The following TAS1R1 variants were observed in gnomAD, a reference collection of about 807,000 sequenced individuals.
TAS1R1 encodes taste receptor type 1 member 1.
TAS1R1 carries 31 observed loss-of-function variants against 45.8 expected under a neutral mutation model. That is an observed-to-expected ratio of 0.68 (90% CI 0.51 to 0.91). The LOEUF (loss-of-function observed/expected upper bound fraction) is 0.91, where lower values mean the gene tolerates loss of function less well. Among genes scored for constraint, TAS1R1 ranks in the 40% least tolerant of loss-of-function variants. The pLI is 0.00. For synonymous variants in TAS1R1, 437 were observed against 448.4 expected, an observed-to-expected ratio of 0.97 and a Z score of 0.32; for missense variants, 1,051 against 1,063.9, an observed-to-expected ratio of 0.99 and a Z score of 0.17.
In TAS1R1 at chr1:6,579,003, C is replaced by G; in HGVS notation, c.1945C>G (p.Leu649Val). Residue 649 changes from leucine (L) to valine (V), a missense_variant, in exon 6 of 6, where the codon CTG (leucine) becomes GTG (valine). Physicochemically the swap from Leu to Val is conservative, Grantham distance 32. Coordinates refer to ENST00000333172, the MANE Select transcript of TAS1R1 (RefSeq NM_138697.4). ...TGGTTTCACCATCTTCCTGTCCTGC[C>G]TGACAGTTCGCTCATTCCAACTAAT... ...ALGFTIFLSC[L>V]TVRSFQLIII... is the part of the protein sequence containing the mutation. 3.7e-6 allele frequency: 6 copies of G among 1,614,038 alleles called. No homozygotes were observed. Among genetic ancestry groups the G allele is most frequent in the Non-Finnish European group, 5.1e-6 (6 of 1,179,894 alleles).
At chr1:6,565,057 G>A (rs1300606679) in intron 1 of TAS1R1, among the ~76,000 whole-genome samples, 1 of 152,122 alleles carries the variant, frequency 6.6e-6, no homozygotes, top group Non-Finnish European at 1.5e-5. Flanking sequence ...CGATATGGAA[G>A]GATTAGTGAG....
chr1:6,560,052 T>C lies in TAS1R1; in HGVS notation c.191+4488T>C, dbSNP rs1182424233. 4.0e-5 allele frequency among the ~76,000 whole-genome samples: 6 copies of C among 149,438 alleles called. No individual in the cohort carries two copies. In the East Asian group the frequency reaches 1.2e-3, roughly 29 times the overall value. ...TAATGGCTCACTGTAATCCCAGCAC[T>C]TTGGGAGGCCAAGGCGGGCAGATCA... On this transcript the variant is annotated intron_variant, in intron 1 of 5. Transcript: ENST00000333172.
chr1:6,575,113 G>A lies in TAS1R1; in HGVS notation c.981G>A (p.Gln327=), dbSNP rs746039146. The change falls in exon 3 of 6, where the codon CAG becomes CAA. Residue 327 remains glutamine, a synonymous_variant. Coordinates refer to ENST00000333172, the MANE Select transcript of TAS1R1 (RefSeq NM_138697.4). ...GGATGGTGCTGGGCGTGGCCATCCA[G>A]AAGAGGGCTGTCCCTGGCCTGAAGG... ...RIGMVLGVAI[Q]KRAVPGLKAF... is the part of the protein sequence containing the mutation. 1 of 1,585,670 alleles carries A rather than the reference G, an allele frequency of 6.3e-7. No individual in the cohort carries two copies. The highest frequency in any genetic ancestry group is 1.2e-5 in the South Asian group (1 of 86,128).
In TAS1R1 at chr1:6,578,538, G is replaced by A. The variant is rs1032377368; in HGVS notation, c.1595-115G>A. On this transcript the variant is annotated intron_variant, in intron 5 of 5. Coordinates refer to ENST00000333172, the MANE Select transcript of TAS1R1 (RefSeq NM_138697.4). ...CTCCCGGCTACCCCCATCCCACTAT[G>A]CCTAGTATAGTCTAGCTGCCCTGGT... 30 of 1,489,394 alleles carry A rather than the reference G, an allele frequency of 2.0e-5. No individual in the cohort carries two copies. The African/African-American group carries it at 3.8e-4, about 19-fold the overall frequency. 92.3% of individuals were successfully genotyped at this position (1,489,394 alleles called of 1,614,324 possible).
Position 6,579,399 on chromosome 1 carries a change from A to G in TAS1R1, c.2341A>G (p.Ser781Gly). The G allele has an allele frequency of 6.2e-7, 1 of 1,613,932 alleles. No individual in the cohort carries two copies. The highest frequency in any genetic ancestry group is 1.1e-5 in the South Asian group (1 of 91,084). Residue 781 changes from serine (S) to glycine (G), a missense_variant, in exon 6 of 6, where the codon AGC becomes GGC. Physicochemically the swap from Ser to Gly is moderately conservative, Grantham distance 56. Coordinates refer to ENST00000333172, the MANE Select transcript of TAS1R1 (RefSeq NM_138697.4). Reference sequence around the variant, plus strand: ...CTGGATCGCCTTCTTCACCACGGCCAGCGTCTACGACGGCAAGTACCTGCC... The same window carrying G: ...CTGGATCGCCTTCTTCACCACGGCCGGCGTCTACGACGGCAAGTACCTGCC... ...VSWIAFFTTA[S>G]VYDGKYLPAA...
Position 6,578,782 on chromosome 1 carries a change from C to G in TAS1R1, c.1724C>G (p.Thr575Arg), listed in dbSNP as rs146448460. The G allele has an allele frequency of 1.4e-5, 23 of 1,612,436 alleles. No homozygotes were observed. Among genetic ancestry groups the G allele is most frequent in the Non-Finnish European group, 1.9e-5 (22 of 1,179,574 alleles). The change falls in exon 6 of 6, where the codon ACG (threonine) becomes AGG (arginine). Residue 575 changes from threonine to arginine, a missense_variant. By Grantham distance (71) the Thr-to-Arg change is moderately conservative. Transcript: ENST00000333172. ...HTSWVLLAAN[T>R]LLLLLLLGTA... ...TCTTGGGTGCTGCTGGCAGCTAACACGCTGCTGCTGCTGCTGCTGCTTGGG... is the reference window on the plus strand; with the variant it reads ...TCTTGGGTGCTGCTGGCAGCTAACAGGCTGCTGCTGCTGCTGCTGCTTGGG...
intron 1 of TAS1R1, among the ~76,000 whole-genome samples, chr1:6,568,370 G>A (rs1338910638): frequency 6.6e-6 from 1 of 151,880 alleles, no homozygotes; most frequent in Non-Finnish European, 1.5e-5. Context: ...CAGGAGAATG[G>A]CGTGAACCCG....
At chr1:6,568,363 G>A (rs904649157) in intron 1 of TAS1R1, among the ~76,000 whole-genome samples, 18 of 151,870 alleles carry the variant, frequency 1.2e-4, no homozygotes, top group Admixed American at 6.6e-5. Flanking sequence ...GCTGAGACAG[G>A]AGAATGGCGT....
intron 1 of TAS1R1, among the ~76,000 whole-genome samples, chr1:6,568,319 G>A (rs577368318): frequency 3.3e-5 from 5 of 152,138 alleles, no homozygotes; most frequent in African/African-American, 4.8e-5. Context: ...GCCGGGCGTG[G>A]CGGCGGGTGC....
chr1:6,565,273 G>A (rs925680674), intron 1 of TAS1R1, among the ~76,000 whole-genome samples: 1 of 152,052 alleles, frequency 6.6e-6, no homozygotes, highest in Non-Finnish European at 1.5e-5. Context: ...GCATGAAGTG[G>A]TTGGATGCGG....
In TAS1R1 at chr1:6,574,807, G is replaced by A. The variant is rs144089716; in HGVS notation, c.675G>A (p.Val225=). 210 of 1,614,278 alleles carry A rather than the reference G, an allele frequency of 1.3e-4. 1 individual carries two copies. The African/African-American group carries it at 2.4e-3, about 18-fold the overall frequency. Residue 225 remains valine, a synonymous_variant, in exon 3 of 6, where the codon GTG becomes GTA. Transcript: ENST00000333172. The surrounding 1 kb of genome is among the most constrained non-coding windows in gnomAD (Gnocchi z 4.3). ...GSSDDYGQLG[V]QALENQATGQ... ...GTGACGACTATGGGCAGCTAGGGGT[G>A]CAGGCACTGGAGAACCAGGCCACTG...
intron 5 of TAS1R1, among the ~76,000 whole-genome samples, chr1:6,577,792 C>G (rs961940140): frequency 3.3e-5 from 5 of 152,106 alleles, no homozygotes; most frequent in Non-Finnish European, 5.9e-5. Flanking sequence ...TGCACCATTG[C>G]ACTCCAGCCT....
chr1:6,573,541 C>T (rs544914842), intron 2 of TAS1R1, among the ~76,000 whole-genome samples: 85 of 152,250 alleles, frequency 5.6e-4, no homozygotes, highest in Non-Finnish European at 1.1e-3. Context: ...CAGCAGTGGC[C>T]CCCAACCTTT....
At chr1:6,570,020 AGG>A (rs59297310) in intron 1 of TAS1R1, among the ~76,000 whole-genome samples, 120,984 of 136,292 alleles carry the variant, frequency 0.89, 54,029 homozygotes, top group Non-Finnish European at 0.95. Flanking sequence ...GGAGGGAGGG[AGG>A]GGGAGAGAGA....
rs1268072184 is a variant in TAS1R1, at chr1:6,578,770, T to G, written c.1712T>G (p.Leu571Arg). The G allele has an allele frequency of 1.2e-6, 2 of 1,613,086 alleles. No homozygotes were observed. Among genetic ancestry groups the G allele is most frequent in the African/African-American group, 1.3e-5 (1 of 74,952 alleles). Reference protein sequence around the residue: ...ALREHTSWVLLAANTLLLLLL... With the variant: ...ALREHTSWVLRAANTLLLLLL... Reference sequence around the variant, plus strand: ...CGTGAGCACACCTCTTGGGTGCTGCTGGCAGCTAACACGCTGCTGCTGCTG... The same window carrying G: ...CGTGAGCACACCTCTTGGGTGCTGCGGGCAGCTAACACGCTGCTGCTGCTG... The change falls in exon 6 of 6, where the codon CTG becomes CGG. Residue 571 changes from leucine to arginine, a missense_variant. Physicochemically the swap from Leu to Arg is moderately radical, Grantham distance 102 (BLOSUM62 -2). Transcript: ENST00000333172.
rs140954704 is a variant in TAS1R1, at chr1:6,555,690, A to G, written c.191+126A>G. 4.3e-4 allele frequency: 381 copies of G among 891,264 alleles called. 5 individuals are homozygous for G. In the East Asian group the frequency reaches 0.01, roughly 24 times the overall value. 55.2% of individuals were successfully genotyped at this position (891,264 alleles called of 1,614,324 possible). A position where few individuals can be genotyped will look rare whatever the true frequency, so the allele number is the denominator to read the frequency against. ...CTTGAACTGTCCCCAGGCCTTGTTC[A>G]TCAATCCACTTGCCACCTAAGTGCT... On this transcript the variant is annotated intron_variant, in intron 1 of 5. Coordinates refer to ENST00000333172, the MANE Select transcript of TAS1R1 (RefSeq NM_138697.4).
At chr1:6,575,439 C>T in intron 3 of TAS1R1, 47 bp downstream of exon 3, 2 of 1,509,640 alleles carry the variant, frequency 1.3e-6, no homozygotes, top group Non-Finnish European at 1.8e-6. Flanking sequence ...AACAGCCAAT[C>T]CTGAGATGAG....
intron 1 of TAS1R1, among the ~76,000 whole-genome samples, chr1:6,562,944 A>G (rs569386207): frequency 6.6e-6 from 1 of 152,264 alleles, no homozygotes; most frequent in South Asian, 2.1e-4. Flanking sequence ...TTGCAGGGAT[A>G]ATTGGAGAGG....
intron 1 of TAS1R1, among the ~76,000 whole-genome samples, chr1:6,567,035 G>C (rs1639884967): frequency 1.3e-5 from 2 of 152,152 alleles, no homozygotes; most frequent in South Asian, 4.1e-4. Flanking sequence ...GGAGTAGGAG[G>C]GACTCAGGTT....
Sources: allele counts gnomAD v4.1 joint callset (sites outside exome capture counted in the v4.1 genomes callset), GRCh38; gene constraint gnomAD v4.1.1; non-coding constraint Gnocchi (gnomAD v3.1); transcripts MANE v1.5; gene names NCBI Gene and HGNC (gene_info 2026-07-23, HGNC 2026-07-21).